CPPED1: variants seen among roughly 807,000 people sequenced by gnomAD.
CPPED1 encodes the protein calcineurin like phosphoesterase domain containing 1.
A neutral mutation model predicts 28.0 loss-of-function variants in CPPED1; 28 were observed. The observed-to-expected ratio is 1.00, with a 90% CI of 0.74 to 1.37. The LOEUF (loss-of-function observed/expected upper bound fraction) is 1.37. CPPED1 is among the 40% of genes most tolerant of loss of function. The pLI, the probability that CPPED1 is intolerant of heterozygous loss-of-function variation, is 0.00. For missense variants in CPPED1, 504 were observed against 416.5 expected (o/e 1.21, Z -1.83); for synonymous variants, 198 against 180.2 (o/e 1.10, Z -0.79).
At chr16:12,678,634 A>C (rs2079890036) in intron 3 of CPPED1, among the ~76,000 whole-genome samples, 1 of 152,108 alleles carries the variant, frequency 6.6e-6, no homozygotes, top group African/African-American at 2.4e-5. Context: ...TAGGTATTTC[A>C]TGTTTTATGG....
intron 3 of CPPED1, among the ~76,000 whole-genome samples, chr16:12,686,640 A>G (rs762641941): frequency 2.6e-5 from 4 of 152,160 alleles, no homozygotes; most frequent in Non-Finnish European, 5.9e-5. Context: ...CAGAGAGGGG[A>G]GGATGCTGGG....
At chr16:12,770,454 G>C (rs1427213832) in intron 2 of CPPED1, among the ~76,000 whole-genome samples, 1 of 152,162 alleles carries the variant, frequency 6.6e-6, no homozygotes, top group Non-Finnish European at 1.5e-5. Context: ...CAAATGTAAG[G>C]TTTTCTAGAC....
intron 2 of CPPED1, among the ~76,000 whole-genome samples, chr16:12,727,382 T>C (rs1338846405): frequency 2.6e-5 from 4 of 152,162 alleles, no homozygotes; most frequent in Non-Finnish European, 5.9e-5. Context: ...AGATACAATC[T>C]TGCTCTGCTG....
chr16:12,769,826 G>A (rs940848113), intron 2 of CPPED1, among the ~76,000 whole-genome samples: 8 of 152,156 alleles, frequency 5.3e-5, no homozygotes, highest in African/African-American at 1.9e-4. Context: ...TCTCTTGCAC[G>A]CATAGAACTC....
Position 12,790,753 on chromosome 16 carries a change from A to AC in CPPED1, c.71-9351dup, listed in dbSNP as rs570690413. ...AGACCATCCTGGCCAACATGGTGAA[A>AC]CCCCATCTCTACTAAAAATATAAAA... is the stretch of plus-strand genomic sequence containing the variant. On this transcript the variant is annotated intron_variant, in intron 1 of 3. Coordinates refer to ENST00000381774, the MANE Select transcript of CPPED1 (RefSeq NM_018340.3). 2.1e-3 allele frequency among the ~76,000 whole-genome samples: 317 copies of AC among 151,804 alleles called. 8 individuals carry two copies. Among genetic ancestry groups the AC allele is most frequent in the Admixed American group, 3.9e-3 (60 of 15,216 alleles).
chr16:12,671,584 C>T (rs936637118), intron 3 of CPPED1, among the ~76,000 whole-genome samples: 4 of 152,128 alleles, frequency 2.6e-5, no homozygotes, highest in African/African-American at 9.7e-5. Context: ...TGTGGATCAG[C>T]TCAGGTGCAT....
chr16:12,787,790 C>T (rs1383395586), intron 1 of CPPED1, among the ~76,000 whole-genome samples: 1 of 152,134 alleles, frequency 6.6e-6, no homozygotes, highest in African/African-American at 2.4e-5. Flanking sequence ...AACAAACTAC[C>T]ACAAATGTAT....
intron 2 of CPPED1, among the ~76,000 whole-genome samples, chr16:12,720,777 C>A (rs936472341): frequency 6.6e-6 from 1 of 152,142 alleles, no homozygotes; most frequent in African/African-American, 2.4e-5. Context: ...CGTGCCCAGC[C>A]CAAACTGTTT....
At chr16:12,753,932 G>A (rs1403974721) in intron 2 of CPPED1, 2 of 152,168 alleles carry the variant, frequency 1.3e-5, no homozygotes, top group African/African-American at 4.8e-5. Context: ...ATGACAGGCT[G>A]GGTAATGAAT....
At chr16:12,675,442 G>C (rs1489780235) in intron 3 of CPPED1, among the ~76,000 whole-genome samples, 1 of 152,210 alleles carries the variant, frequency 6.6e-6, no homozygotes, top group East Asian at 1.9e-4. Context: ...ACGGTATCAA[G>C]TCATGAAGAC....
intron 3 of CPPED1, among the ~76,000 whole-genome samples, chr16:12,697,600 C>T (rs904075056): frequency 2.6e-5 from 4 of 152,078 alleles, no homozygotes; most frequent in Non-Finnish European, 5.9e-5. Flanking sequence ...TTCTCTAAGC[C>T]AAGAGTTGGA....
chr16:12,684,797 G>A (rs1044579167), intron 3 of CPPED1, among the ~76,000 whole-genome samples: 1 of 152,146 alleles, frequency 6.6e-6, no homozygotes, highest in African/African-American at 2.4e-5. Context: ...AGCAGAGAGC[G>A]GCCGCTCTGT....
In CPPED1 at chr16:12,660,682, T is replaced by C. The variant is rs1240193183; in HGVS notation, c.*4204A>G. 2 of 152,240 alleles carry C rather than the reference T, an allele frequency of 1.3e-5. No homozygotes were observed. Among genetic ancestry groups the C allele is most frequent in the South Asian group, 2.1e-4 (1 of 4,838 alleles). The allele number at this position is 152,240 out of a possible 1,614,324, so 9.4% of individuals were successfully genotyped here. On this transcript the variant is annotated 3_prime_UTR_variant, in exon 4 of 4. Coordinates refer to ENST00000381774, the MANE Select transcript of CPPED1 (RefSeq NM_018340.3). ...AATAAAAAAAATCCCTGATGTCTAT[T>C]ACAGAAAGCTTTTAACAGAACTTGC...
intron 2 of CPPED1, among the ~76,000 whole-genome samples, chr16:12,707,819 C>A (rs78145467): frequency 0.033 from 4,956 of 151,912 alleles, 127 homozygotes; most frequent in East Asian, 0.1. Context: ...AAAAAAAAAA[C>A]GCAGCTCATC....
intron 1 of CPPED1, among the ~76,000 whole-genome samples, chr16:12,791,133 T>C (rs2080594127): frequency 6.6e-6 from 1 of 151,698 alleles, no homozygotes; most frequent in Admixed American, 6.6e-5. Flanking sequence ...TGTGCCATGG[T>C]GGTCTGCTGC....
chr16:12,780,817 A>G (rs892309153), intron 2 of CPPED1, among the ~76,000 whole-genome samples: 2 of 152,206 alleles, frequency 1.3e-5, no homozygotes, highest in Admixed American at 6.5e-5. Context: ...AGGGAGAAAT[A>G]AAAGTGTAAG....
At chr16:12,750,080 A>G (rs1262201108) in intron 2 of CPPED1, among the ~76,000 whole-genome samples, 1 of 152,142 alleles carries the variant, frequency 6.6e-6, no homozygotes, top group Admixed American at 6.6e-5. Context: ...TGAACCTTAG[A>G]CTTTGGCTTA....
chr16:12,740,747 C>T (rs34146397), intron 2 of CPPED1, among the ~76,000 whole-genome samples: 84,047 of 151,962 alleles, frequency 0.55, 23,411 homozygotes, highest in Admixed American at 0.61. Context: ...AGGAGAGAAT[C>T]CCTAGCAGAG....
intron 1 of CPPED1, among the ~76,000 whole-genome samples, chr16:12,786,855 T>C (rs1432271740): frequency 6.6e-6 from 1 of 152,174 alleles, no homozygotes; most frequent in Non-Finnish European, 1.5e-5. Flanking sequence ...GAGGTTGCAG[T>C]GAGCCGAGAT....
Sources: gnomAD v4.1 joint callset for allele counts (sites outside exome capture counted in the v4.1 genomes callset) on GRCh38, gnomAD v4.1.1 for gene constraint, MANE v1.5 for transcripts, NCBI Gene and HGNC (gene_info 2026-07-23, HGNC 2026-07-21) for gene names.